GRIK1: variants seen among roughly 807,000 people sequenced by gnomAD.
GRIK1 encodes glutamate ionotropic receptor kainate type subunit 1, also known as glutamate receptor ionotropic, kainate 1.
In GRIK1, 69 loss-of-function variants were observed where a neutral mutation model predicts 105.7. The observed-to-expected ratio is 0.65, with a 90% CI of 0.54 to 0.80. GRIK1 has a LOEUF of 0.80. Among genes scored for constraint, GRIK1 ranks in the 30% least tolerant of loss-of-function variants. The pLI, the probability that GRIK1 is intolerant of heterozygous loss-of-function variation, is 0.00. For missense variants in GRIK1, 1,109 were observed against 1,167.3 expected (o/e 0.95, Z 0.73); for synonymous variants, 438 against 431.3 (o/e 1.02, Z -0.19).
intron 7 of GRIK1, among the ~76,000 whole-genome samples, chr21:29,602,521 A>C (rs2061537946): frequency 6.6e-6 from 1 of 152,214 alleles, no homozygotes; most frequent in Non-Finnish European, 1.5e-5. Context: ...AAAGATTTGC[A>C]TAGAATATTG....
intron 1 of GRIK1, among the ~76,000 whole-genome samples, chr21:29,887,087 G>A (rs190286458): frequency 2.6e-5 from 4 of 152,172 alleles, no homozygotes; most frequent in South Asian, 2.1e-4. Context: ...TATAAGTATC[G>A]AGGAAGATTA....
chr21:29,801,273 C>T (rs543097316), intron 1 of GRIK1, among the ~76,000 whole-genome samples: 3 of 150,896 alleles, frequency 2.0e-5, no homozygotes, highest in Non-Finnish European at 3.0e-5. Context: ...TTTACCATTA[C>T]TTTTAATGGT....
At chr21:29,559,205 T>C (rs767689184) in intron 15 of GRIK1, among the ~76,000 whole-genome samples, 2 of 152,152 alleles carry the variant, frequency 1.3e-5, no homozygotes, top group Non-Finnish European at 2.9e-5. Flanking sequence ...TACCTACTCT[T>C]GGTGTTCTCA....
chr21:29,620,277 C>T (rs569077526), intron 7 of GRIK1, among the ~76,000 whole-genome samples: 195 of 152,260 alleles, frequency 1.3e-3, no homozygotes, highest in African/African-American at 4.5e-3. Context: ...TTAACTGAGA[C>T]GTAACAGGTA....
rs2061592410 is a variant in GRIK1, at chr21:29,605,386, G to A, written c.1099-6449C>T. Reference sequence around the variant, plus strand: ...CCAACTCCATCCATGTCCCTGCAAAGGACATGATCTTGTTCCTTTTTATGG... The same window carrying A: ...CCAACTCCATCCATGTCCCTGCAAAAGACATGATCTTGTTCCTTTTTATGG... On this transcript the variant is annotated intron_variant, in intron 7 of 17. Transcript: ENST00000327783. Among the ~76,000 whole-genome samples, 5 of 152,260 alleles carry A rather than the reference G, an allele frequency of 3.3e-5. No individual in the cohort carries two copies. The South Asian group carries it at 1.0e-3, about 32-fold the overall frequency.
chr21:29,717,971 T>C (rs904387527), intron 1 of GRIK1, among the ~76,000 whole-genome samples: 9 of 152,240 alleles, frequency 5.9e-5, no homozygotes, highest in African/African-American at 2.2e-4. Context: ...TATGCTGTTA[T>C]CATGTTAGTG....
At chr21:29,873,429 A>C (rs1345301227) in intron 1 of GRIK1, among the ~76,000 whole-genome samples, 1 of 152,158 alleles carries the variant, frequency 6.6e-6, no homozygotes. Flanking sequence ...CAGGGGTGTA[A>C]ACTTGGATAT....
intron 1 of GRIK1, among the ~76,000 whole-genome samples, chr21:29,935,498 CTTATGTAAAAATA>C (rs2071717259): frequency 6.6e-6 from 1 of 152,114 alleles, no homozygotes; most frequent in Non-Finnish European, 1.5e-5. Context: ...TCTGTACACA[CTTATGTAAAAATA>C]TGAACAACTA....
At chr21:29,818,755 A>G (rs1373428863) in intron 1 of GRIK1, among the ~76,000 whole-genome samples, 1 of 152,044 alleles carries the variant, frequency 6.6e-6, no homozygotes, top group Non-Finnish European at 1.5e-5. Flanking sequence ...TGAAATTCAG[A>G]TACAGAACCC....
chr21:29,560,121 C>T (rs2090354876), intron 15 of GRIK1, among the ~76,000 whole-genome samples: 1 of 152,132 alleles, frequency 6.6e-6, no homozygotes, highest in Non-Finnish European at 1.5e-5. Context: ...ACCTGGGGTC[C>T]TTAACGATAT....
intron 1 of GRIK1, among the ~76,000 whole-genome samples, chr21:29,753,331 G>T (rs1301922143): frequency 6.6e-6 from 1 of 152,172 alleles, no homozygotes; most frequent in Non-Finnish European, 1.5e-5. Flanking sequence ...TTAATGGGAA[G>T]ATTTTCTTTT....
At chr21:29,731,480 T>C (rs1039506533) in intron 1 of GRIK1, among the ~76,000 whole-genome samples, 1 of 152,192 alleles carries the variant, frequency 6.6e-6, no homozygotes, top group Non-Finnish European at 1.5e-5. Flanking sequence ...ATTCTTCAAA[T>C]AAATGCTTCA....
chr21:29,839,497 T>C (rs1466544940), intron 1 of GRIK1, among the ~76,000 whole-genome samples: 1 of 152,204 alleles, frequency 6.6e-6, no homozygotes, highest in African/African-American at 2.4e-5. Context: ...TCAATGATAA[T>C]TGTGAGATCC....
chr21:29,673,491 TTGGTTGA>T (rs1421647129), intron 3 of GRIK1, among the ~76,000 whole-genome samples: 2 of 152,200 alleles, frequency 1.3e-5, no homozygotes, highest in Non-Finnish European at 2.9e-5. Context: ...AAACAAAAAG[TTGGTTGA>T]AGTTTCCAAA....
chr21:29,760,852 A>T (rs2065493973), intron 1 of GRIK1, among the ~76,000 whole-genome samples: 1 of 152,188 alleles, frequency 6.6e-6, no homozygotes, highest in South Asian at 2.1e-4. Context: ...CACAGCTCAT[A>T]CAACGCCAAG....
intron 1 of GRIK1, among the ~76,000 whole-genome samples, chr21:29,919,716 CAT>C (rs1446789379): frequency 6.6e-6 from 1 of 152,040 alleles, no homozygotes; most frequent in Non-Finnish European, 1.5e-5. Context: ...TTATTAAAAC[CAT>C]ATTTTTAAAT....
At chr21:29,730,088 T>C (rs1387875653) in intron 1 of GRIK1, among the ~76,000 whole-genome samples, 1 of 152,224 alleles carries the variant, frequency 6.6e-6, no homozygotes. Context: ...GCAGAATTTC[T>C]GAGTTATGGC....
At chr21:29,620,778 T>TATATATATAG (rs1311846630) in intron 7 of GRIK1, among the ~76,000 whole-genome samples, 1 of 116,018 alleles carries the variant, frequency 8.6e-6, no homozygotes, top group Admixed American at 8.8e-5. Flanking sequence ...GTCATATATA[T>TATATATATAG]ATAGATATAT....
At chr21:29,838,541 A>C (rs1463315610) in intron 1 of GRIK1, among the ~76,000 whole-genome samples, 1 of 152,188 alleles carries the variant, frequency 6.6e-6, no homozygotes, top group Non-Finnish European at 1.5e-5. Flanking sequence ...TCTGGCTCCT[A>C]GTTTAACTGG....
Sources: allele counts gnomAD v4.1 joint callset (sites outside exome capture counted in the v4.1 genomes callset), GRCh38; gene constraint gnomAD v4.1.1; transcripts MANE v1.5; gene names NCBI Gene and HGNC (gene_info 2026-07-23, HGNC 2026-07-21).